The following CADPS2 variants were observed in gnomAD, a reference collection of about 807,000 sequenced individuals.
CADPS2 encodes the protein calcium-dependent secretion activator 2.
Under a neutral mutation model 172.5 loss-of-function variants are expected in CADPS2, and 93 were observed. The ratio of observed to expected loss-of-function variants is 0.54; its 90% CI spans 0.46 to 0.64. CADPS2 has a LOEUF of 0.64. Among genes scored for constraint, CADPS2 ranks in the 30% least tolerant of loss-of-function variants. The pLI, the probability that CADPS2 is intolerant of heterozygous loss-of-function variation, is 0.00. For missense variants in CADPS2, 1,420 were observed against 1,565.9 expected (o/e 0.91, Z 1.57); for synonymous variants, 546 against 555.2 (o/e 0.98, Z 0.23).
intron 22 of CADPS2, among the ~76,000 whole-genome samples, chr7:122,392,346 A>T (rs753369957): frequency 3.3e-5 from 5 of 152,128 alleles, no homozygotes; most frequent in Admixed American, 6.5e-5. Flanking sequence ...ATATGCCAAT[A>T]GTACTAATAA....
At chr7:122,609,399 A>G (rs2074010409) in intron 6 of CADPS2, among the ~76,000 whole-genome samples, 1 of 152,174 alleles carries the variant, frequency 6.6e-6, no homozygotes, top group Non-Finnish European at 1.5e-5. Context: ...AAAAGTGTAG[A>G]AACAATTCCT....
intron 2 of CADPS2, among the ~76,000 whole-genome samples, chr7:122,670,542 G>C (rs1365555882): frequency 3.3e-5 from 5 of 151,504 alleles, no homozygotes; most frequent in African/African-American, 9.7e-5. Flanking sequence ...CTGTCACCCA[G>C]GCGGGAGTCC....
intron 1 of CADPS2, among the ~76,000 whole-genome samples, chr7:122,867,965 T>C (rs1429645122): frequency 2.0e-5 from 3 of 152,142 alleles, no homozygotes; most frequent in Non-Finnish European, 4.4e-5. Context: ...CCTTTCTCCC[T>C]GGTTCATTTC....
intron 2 of CADPS2, chr7:122,702,028 C>T (rs1487735392): frequency 6.2e-7 from 1 of 1,613,596 alleles, no homozygotes; most frequent in South Asian, 1.1e-5. Flanking sequence ...TGAGAACTCG[C>T]AGTTGAAGCT....
At chr7:122,379,561 A>G (rs2151352289) in intron 24 of CADPS2, 119 bp from the exon 25 acceptor site, 1 of 692,636 alleles carries the variant, frequency 1.4e-6, no homozygotes, top group Non-Finnish European at 2.6e-6. Context: ...ATGATCATTT[A>G]GAACATTAAA....
At chr7:122,793,776 T>C (rs1795783619) in intron 1 of CADPS2, among the ~76,000 whole-genome samples, 1 of 152,196 alleles carries the variant, frequency 6.6e-6, no homozygotes, top group Non-Finnish European at 1.5e-5. Flanking sequence ...TGATCTTTCC[T>C]TTCCAGACTT....
chr7:122,847,737 A>G (rs1812395121), intron 1 of CADPS2, among the ~76,000 whole-genome samples: 1 of 152,204 alleles, frequency 6.6e-6, no homozygotes, highest in Non-Finnish European at 1.5e-5. Flanking sequence ...GTGCAAACCC[A>G]CATAGTCTTA....
At chr7:122,782,637 A>C (rs1793037574) in intron 1 of CADPS2, among the ~76,000 whole-genome samples, 1 of 152,156 alleles carries the variant, frequency 6.6e-6, no homozygotes, top group Non-Finnish European at 1.5e-5. Flanking sequence ...ACAACAAAAA[A>C]TTGAGTTTTA....
intron 1 of CADPS2, among the ~76,000 whole-genome samples, chr7:122,840,372 T>C (rs1810078842): frequency 6.6e-6 from 1 of 152,008 alleles, no homozygotes; most frequent in African/African-American, 2.4e-5. Context: ...GGCACATGTA[T>C]ACATATGTAA....
intron 8 of CADPS2, among the ~76,000 whole-genome samples, chr7:122,545,067 G>A (rs976602993): frequency 1.3e-5 from 2 of 152,128 alleles, no homozygotes; most frequent in Non-Finnish European, 2.9e-5. Flanking sequence ...GAATGCCTTG[G>A]GTAGAAGGGC....
At chr7:122,630,682 G>T (rs1461274366) in intron 3 of CADPS2, among the ~76,000 whole-genome samples, 2 of 152,056 alleles carry the variant, frequency 1.3e-5, no homozygotes, top group Admixed American at 6.6e-5. Flanking sequence ...CAAACAATAG[G>T]TCAGAAAGAC....
At chr7:122,690,847 C>T (rs2084255318) in intron 2 of CADPS2, among the ~76,000 whole-genome samples, 1 of 152,170 alleles carries the variant, frequency 6.6e-6, no homozygotes, top group Non-Finnish European at 1.5e-5. Flanking sequence ...TGGTATCAAA[C>T]CATATAGTGT....
intron 6 of CADPS2, among the ~76,000 whole-genome samples, chr7:122,606,634 T>C (rs541483447): frequency 6.6e-6 from 1 of 152,214 alleles, no homozygotes; most frequent in Admixed American, 6.5e-5. Flanking sequence ...CCAAGTGTCA[T>C]AGTCTGAGAC....
chr7:122,695,023 C>A (rs2084891025), intron 2 of CADPS2, among the ~76,000 whole-genome samples: 1 of 152,180 alleles, frequency 6.6e-6, no homozygotes, highest in Non-Finnish European at 1.5e-5. Context: ...AGATCCCTGG[C>A]TCACTAATCC....
chr7:122,823,950 G>C (rs1250977239), intron 1 of CADPS2, among the ~76,000 whole-genome samples: 2 of 152,020 alleles, frequency 1.3e-5, no homozygotes, highest in Non-Finnish European at 2.9e-5. Flanking sequence ...CCTCAGTAGA[G>C]AGCTCCATTT....
At chr7:122,413,953 TCAAAGAAA>T in intron 19 of CADPS2, 107 bp downstream of exon 19, 1 of 844,098 alleles carries the variant, frequency 1.2e-6, no homozygotes, top group African/African-American at 1.8e-5. Context: ...TTCTGTAATT[TCAAAGAAA>T]GGACTAATTG....
At chr7:122,564,311 T>G (rs756718039) in intron 7 of CADPS2, among the ~76,000 whole-genome samples, 8 of 152,134 alleles carry the variant, frequency 5.3e-5, no homozygotes, top group Non-Finnish European at 8.8e-5. Context: ...TATTTATTTA[T>G]TTATTTATTT....
intron 1 of CADPS2, among the ~76,000 whole-genome samples, chr7:122,780,016 A>T (rs1319652275): frequency 6.6e-6 from 1 of 152,132 alleles, no homozygotes. Flanking sequence ...GCATCCTTCC[A>T]TGTTGCCATT....
intron 9 of CADPS2, among the ~76,000 whole-genome samples, chr7:122,492,701 TTC>T (rs1226856335): frequency 6.6e-6 from 1 of 151,898 alleles, no homozygotes; most frequent in Admixed American, 6.6e-5. Context: ...TGTATTTTTT[TTC>T]TTTTTTTCTT....
Sources: allele counts gnomAD v4.1 joint callset (sites outside exome capture counted in the v4.1 genomes callset), GRCh38; gene constraint gnomAD v4.1.1; transcripts MANE v1.5; gene names NCBI Gene and HGNC (gene_info 2026-07-23, HGNC 2026-07-21).